Variants in DLG2 observed in about 807,000 individuals in gnomAD.
DLG2 encodes disks large homolog 2.
DLG2 carries 45 observed loss-of-function variants against 132.5 expected under a neutral mutation model. The observed-to-expected ratio is 0.34, with a 90% CI of 0.27 to 0.44. The LOEUF (loss-of-function observed/expected upper bound fraction) is 0.44. Ranked by LOEUF, DLG2 falls within the 20% of genes least tolerant of loss-of-function variation. The pLI, the probability that DLG2 is intolerant of heterozygous loss-of-function variation, is 1.00. For missense variants in DLG2, 1,045 were observed against 1,196.9 expected (o/e 0.87, Z 1.87); for synonymous variants, 424 against 419.6 (o/e 1.01, Z -0.13).
At chr11:83,588,353 G>C (rs1271688540) in intron 19 of DLG2, among the ~76,000 whole-genome samples, 8 of 151,776 alleles carry the variant, frequency 5.3e-5, no homozygotes, top group Non-Finnish European at 7.4e-5. Flanking sequence ...CTAACTGGGA[G>C]GCACCCCCCA....
At chr11:83,867,948 G>A (rs1453190685) in intron 16 of DLG2, among the ~76,000 whole-genome samples, 5 of 152,042 alleles carry the variant, frequency 3.3e-5, no homozygotes, top group African/African-American at 9.7e-5. Context: ...GATGTCTTAC[G>A]GAGTAAGGAA....
At chr11:83,595,372 C>A (rs1315209395) in intron 19 of DLG2, among the ~76,000 whole-genome samples, 2 of 152,172 alleles carry the variant, frequency 1.3e-5, no homozygotes, top group South Asian at 2.1e-4. Flanking sequence ...AAACTGAGGA[C>A]AAACTGTTGA....
chr11:84,272,315 A>G (rs555620916), intron 7 of DLG2: 12 of 432,466 alleles, frequency 2.8e-5, no homozygotes, highest in South Asian at 2.0e-4. Context: ...TGAAAGAAGC[A>G]TATCTCTTGA....
intron 15 of DLG2, among the ~76,000 whole-genome samples, chr11:83,884,292 T>A (rs541189526): frequency 6.6e-6 from 1 of 152,196 alleles, no homozygotes; most frequent in South Asian, 2.1e-4. Context: ...GGAGATTATA[T>A]CCCGCATCTG....
At chr11:83,938,280 A>AG (rs2081940458) in intron 14 of DLG2, among the ~76,000 whole-genome samples, 1 of 152,218 alleles carries the variant, frequency 6.6e-6, no homozygotes. Context: ...ACCATTTCAG[A>AG]GAGAGACTGA....
chr11:85,263,768 T>C (rs2077062712), intron 4 of DLG2, among the ~76,000 whole-genome samples: 2 of 152,234 alleles, frequency 1.3e-5, no homozygotes, highest in East Asian at 1.9e-4. Context: ...AGATTGGAGC[T>C]GGAAAACAGG....
At chr11:84,338,907 T>C (rs1000083482) in intron 7 of DLG2, among the ~76,000 whole-genome samples, 6 of 152,158 alleles carry the variant, frequency 3.9e-5, no homozygotes, top group Non-Finnish European at 8.8e-5. Context: ...CATGTAGTAG[T>C]AGTTATCATT....
chr11:84,416,316 T>C (rs186210185), intron 7 of DLG2, among the ~76,000 whole-genome samples: 51 of 152,290 alleles, frequency 3.3e-4, no homozygotes, highest in African/African-American at 1.2e-3. Flanking sequence ...ACATTTTCCA[T>C]CCAAGAAAAA....
At chr11:83,849,487 AAT>A (rs2059261752) in intron 16 of DLG2, among the ~76,000 whole-genome samples, 1 of 151,862 alleles carries the variant, frequency 6.6e-6, no homozygotes, top group African/African-American at 2.4e-5. Flanking sequence ...ATAAGACATA[AAT>A]ATAGAGACAT....
chr11:85,470,691 G>A (rs536755856), intron 3 of DLG2, among the ~76,000 whole-genome samples: 2 of 145,564 alleles, frequency 1.4e-5, no homozygotes, highest in Middle Eastern at 3.4e-3. Flanking sequence ...TCATGCCACA[G>A]CACTCCAGCC....
chr11:85,323,587 A>G (rs1310827464), intron 3 of DLG2, among the ~76,000 whole-genome samples: 3 of 152,210 alleles, frequency 2.0e-5, no homozygotes, highest in Non-Finnish European at 4.4e-5. Context: ...GCTATCAAAC[A>G]CTAGAACTTA....
chr11:85,096,674 G>T (rs936218681), intron 6 of DLG2, among the ~76,000 whole-genome samples: 1 of 151,888 alleles, frequency 6.6e-6, no homozygotes, highest in African/African-American at 2.4e-5. Flanking sequence ...ACATTTTGGC[G>T]ACCATGAAGG....
chr11:84,537,992 C>T (rs2099359561), intron 6 of DLG2, among the ~76,000 whole-genome samples: 1 of 152,218 alleles, frequency 6.6e-6, no homozygotes, highest in African/African-American at 2.4e-5. Flanking sequence ...TTAAGTACTA[C>T]ATATCTTTCT....
chr11:84,669,867 T>C (rs559242502), intron 6 of DLG2, among the ~76,000 whole-genome samples: 1 of 152,270 alleles, frequency 6.6e-6, no homozygotes, highest in East Asian at 1.9e-4. Context: ...TGGAGGATTC[T>C]GAAACCCTGG....
chr11:84,057,470 T>A (rs917381132), intron 11 of DLG2, among the ~76,000 whole-genome samples: 1 of 152,164 alleles, frequency 6.6e-6, no homozygotes, highest in Admixed American at 6.6e-5. Context: ...GCAATATGAT[T>A]TTAGTAAATG....
In DLG2 at chr11:85,303,959, C is replaced by T. The variant is rs569365146; in HGVS notation, c.41-18594G>A. Among the ~76,000 whole-genome samples the T allele has an allele frequency of 7.9e-5, 12 of 152,226 alleles. No individual in the cohort carries two copies. In the South Asian group the frequency reaches 1.5e-3, roughly 18 times the overall value. On this transcript the variant is annotated intron_variant, in intron 3 of 27. Transcript: ENST00000376104. ...AATGTGTACTGGTCAATTTCCAGGA[C>T]GTAATGAAATGTTATACATGGTTTT...
chr11:83,633,384 T>G, intron 18 of DLG2, 59 bp from the exon 19 acceptor site: 1 of 1,420,620 alleles, frequency 7.0e-7, no homozygotes, highest in Non-Finnish European at 9.8e-7. Flanking sequence ...TTGGAAATGC[T>G]GCACAGCCCA....
intron 11 of DLG2, among the ~76,000 whole-genome samples, chr11:84,038,255 A>G (rs1384054915): frequency 6.6e-6 from 1 of 152,074 alleles, no homozygotes; most frequent in African/African-American, 2.4e-5. Context: ...GCATCTAACA[A>G]AGGTCTAATA....
At chr11:85,445,633 T>C (rs1272491731) in intron 3 of DLG2, among the ~76,000 whole-genome samples, 1 of 151,902 alleles carries the variant, frequency 6.6e-6, no homozygotes, top group African/African-American at 2.4e-5. Context: ...TGAGCCGAGG[T>C]TGCACCACTC....
Sources: allele counts gnomAD v4.1 joint callset (sites outside exome capture counted in the v4.1 genomes callset), GRCh38; gene constraint gnomAD v4.1.1; transcripts MANE v1.5; gene names NCBI Gene and HGNC (gene_info 2026-07-23, HGNC 2026-07-21).